Variants in ORMDL2 observed in about 807,000 individuals in gnomAD.
ORMDL2 encodes ORM1-like protein 2.
In ORMDL2, 11 loss-of-function variants were observed where a neutral mutation model predicts 13.5. That is an observed-to-expected ratio of 0.82 (90% CI 0.51 to 1.35). The LOEUF is 1.35. Among genes scored for constraint, ORMDL2 ranks in the 40% most tolerant of loss-of-function variants. The pLI, the probability that ORMDL2 is intolerant of heterozygous loss-of-function variation, is 0.00. For missense variants in ORMDL2, 160 were observed against 191.1 expected, an observed-to-expected ratio of 0.84 and a Z score of 0.96; for synonymous variants, 73 against 76.5, an observed-to-expected ratio of 0.95 and a Z score of 0.24.
intron 1 of ORMDL2, chr12:55,818,676 A>G (rs1401120369): frequency 7.1e-6 from 2 of 281,538 alleles, no homozygotes; most frequent in Non-Finnish European, 1.4e-5. Context: ...ATGGTTATTA[A>G]CTTCTTCAGC....
rs1414072941 is a variant in ORMDL2, at chr12:55,821,499, G to C, written c.*1104G>C. 1 of 153,370 alleles carries C rather than the reference G, an allele frequency of 6.5e-6. No individual in the cohort carries two copies. The highest frequency in any genetic ancestry group is 1.9e-4 in the East Asian group (1 of 5,202). 9.5% of individuals were successfully genotyped at this position (153,370 alleles called of 1,614,324 possible). On this transcript the variant is annotated 3_prime_UTR_variant, in exon 4 of 4. Coordinates refer to ENST00000243045, the MANE Select transcript of ORMDL2 (RefSeq NM_014182.5). ...TAAAGGGATACACTGTCCAGCCCAGGTCCAGGCCCTAGGTTCTTTACTCTA... is the reference window on the plus strand; with the variant it reads ...TAAAGGGATACACTGTCCAGCCCAGCTCCAGGCCCTAGGTTCTTTACTCTA...
At chr12:55,819,923 G>A (rs558651212) in intron 3 of ORMDL2, among the ~76,000 whole-genome samples, 2 of 152,344 alleles carry the variant, frequency 1.3e-5, no homozygotes, top group East Asian at 1.9e-4. Flanking sequence ...ACAGTCTCCA[G>A]TTAAGGGTGC....
intron 1 of ORMDL2, chr12:55,818,405 G>T: frequency 3.8e-6 from 1 of 260,568 alleles, no homozygotes; most frequent in South Asian, 3.5e-5. Context: ...CAGAGCCAAG[G>T]CTCCACCTTT....
chr12:55,819,549 G>T, intron 3 of ORMDL2, 56 bp downstream of exon 3: 3 of 1,530,546 alleles, frequency 2.0e-6, no homozygotes, highest in South Asian at 2.3e-5. Flanking sequence ...CAAGAGCCAG[G>T]TAGAAAGGCC....
rs1253752996 is a variant in ORMDL2, at chr12:55,821,752, G to A, written c.*1357G>A. ...TGTGCCTGTAATCCCAGCTACTCAGGAGGCTGAGATGGGAGAATTGCTTGA... is the reference window on the plus strand; with the variant it reads ...TGTGCCTGTAATCCCAGCTACTCAGAAGGCTGAGATGGGAGAATTGCTTGA... On this transcript the variant is annotated 3_prime_UTR_variant, in exon 4 of 4. Coordinates refer to ENST00000243045, the MANE Select transcript of ORMDL2 (RefSeq NM_014182.5). The A allele has an allele frequency of 8.6e-6, 3 of 348,526 alleles. No individual in the cohort carries two copies. The highest frequency in any genetic ancestry group is 2.1e-5 in the African/African-American group (1 of 47,168). The allele number at this position is 348,526 out of a possible 1,614,324, so 21.6% of individuals were successfully genotyped here. A position where few individuals can be genotyped will look rare whatever the true frequency, so the allele number is the denominator to read the frequency against.
rs1284399238 is a variant in ORMDL2, at chr12:55,820,689, A to C, written c.*294A>C. On this transcript the variant is annotated 3_prime_UTR_variant, in exon 4 of 4. Transcript: ENST00000243045. ...TTCTTTGGTGATTACATCTTTCCAT[A>C]TCTTTTACACTTACCACCTTCCAGC... is the stretch of plus-strand genomic sequence containing the variant. 5.0e-6 allele frequency: 2 copies of C among 398,402 alleles called. No homozygotes were observed. The highest frequency in any genetic ancestry group is 9.4e-6 in the Non-Finnish European group (2 of 213,002). 24.7% of individuals were successfully genotyped at this position (398,402 alleles called of 1,614,324 possible).
At position 55,820,383 on chromosome 12, in the gene ORMDL2, C is replaced by G; in HGVS notation, c.450C>G (p.Ile150Met). The change falls in exon 4 of 4, where the codon ATC (isoleucine) becomes ATG (methionine). Residue 150 changes from isoleucine to methionine, a missense_variant. By Grantham distance (10) the Ile-to-Met change is conservative. Transcript: ENST00000243045. ...TCCATGGGGTTCGTGTCTTTGGCAT[C>G]AACAAATACTGAGGGATGGGTTTTG... ...PQFHGVRVFG[I>M]NKY 1 of 1,614,162 alleles carries G rather than the reference C, an allele frequency of 6.2e-7. No individual in the cohort carries two copies. The highest frequency in any genetic ancestry group is 8.5e-7 in the Non-Finnish European group (1 of 1,180,038).
chr12:55,819,255 TTA>T (rs1020230763), intron 2 of ORMDL2, 82 bp downstream of exon 2: 1 of 1,590,370 alleles, frequency 6.3e-7, no homozygotes, highest in African/African-American at 1.3e-5. Context: ...GTTTGGGGAT[TTA>T]TGTGTTCCTT....
At chr12:55,819,550 T>A (rs1417106418) in intron 3 of ORMDL2, 57 bp downstream of exon 3, 2 of 1,521,326 alleles carry the variant, frequency 1.3e-6, no homozygotes, top group African/African-American at 2.8e-5. Context: ...AAGAGCCAGG[T>A]AGAAAGGCCC....
In ORMDL2 at chr12:55,820,241, T is replaced by A. The variant is rs774955181; in HGVS notation, c.327-19T>A. 6.2e-7 allele frequency: 1 copy of A among 1,602,140 alleles called. No homozygotes were observed. Among genetic ancestry groups the A allele is most frequent in the South Asian group, 1.1e-5 (1 of 90,806 alleles). On this transcript the variant is annotated intron_variant, in intron 3 of 3. Coordinates refer to ENST00000243045, the MANE Select transcript of ORMDL2 (RefSeq NM_014182.5). Reference sequence around the variant, plus strand: ...TAGAGAAGGTCAACCTCACTCACCCTATTTTTTTCTCTCCCCAGCTATCTC... The same window carrying A: ...TAGAGAAGGTCAACCTCACTCACCCAATTTTTTTCTCTCCCCAGCTATCTC...
intron 3 of ORMDL2, among the ~76,000 whole-genome samples, chr12:55,819,772 GA>G (rs1481417070): frequency 6.6e-6 from 1 of 152,168 alleles, no homozygotes; most frequent in Non-Finnish European, 1.5e-5. Flanking sequence ...ACTGCCAAAA[GA>G]AGTAAATAAA....
Position 55,821,325 on chromosome 12 carries a change from G to T in ORMDL2, c.*930G>T, listed in dbSNP as rs1212564364. The T allele has an allele frequency of 1.3e-5, 2 of 152,510 alleles. No homozygotes were observed. Among genetic ancestry groups the T allele is most frequent in the African/African-American group, 4.8e-5 (2 of 41,388 alleles). 9.4% of individuals were successfully genotyped at this position (152,510 alleles called of 1,614,324 possible). The stretch of plus-strand genomic sequence containing the variant: ...TTGTTCTCTTTTAAATATTATATCA[G>T]GATAAAGGAGAGGGCTCCCTCCTGA... On this transcript the variant is annotated 3_prime_UTR_variant, in exon 4 of 4. Coordinates refer to ENST00000243045, the MANE Select transcript of ORMDL2 (RefSeq NM_014182.5).
Position 55,821,799 on chromosome 12 carries a change from G to T in ORMDL2, c.*1404G>T. The T allele has an allele frequency of 1.9e-6, 1 of 538,234 alleles. No homozygotes were observed. 33.3% of individuals were successfully genotyped at this position (538,234 alleles called of 1,614,324 possible). A position where few individuals can be genotyped will look rare whatever the true frequency, so the allele number is the denominator to read the frequency against. On this transcript the variant is annotated 3_prime_UTR_variant, in exon 4 of 4. Coordinates refer to ENST00000243045, the MANE Select transcript of ORMDL2 (RefSeq NM_014182.5). ...TTGAACCCGGGAGACAGAGGTTGCA[G>T]TAAGCTGAGATCACACCACTGCACT... is the stretch of plus-strand genomic sequence containing the variant.
In ORMDL2 at chr12:55,818,081, G is replaced by A; in HGVS notation, c.-33G>A. On this transcript the variant is annotated 5_prime_UTR_variant, in exon 1 of 4. Transcript: ENST00000243045. ...CTTCAGGTGTGGTAGCCGGCGCCGC[G>A]CCCATAGCCGGACGGGGATCTGAGC... 1 of 513,382 alleles carries A rather than the reference G, an allele frequency of 1.9e-6. No homozygotes were observed. Among genetic ancestry groups the A allele is most frequent in the Non-Finnish European group, 3.8e-6 (1 of 265,088 alleles). 31.8% of individuals were successfully genotyped at this position (513,382 alleles called of 1,614,324 possible). A position where few individuals can be genotyped will look rare whatever the true frequency, so the allele number is the denominator to read the frequency against.
chr12:55,820,739 AC>A lies in ORMDL2; in HGVS notation c.*345del. 1 of 253,784 alleles carries A rather than the reference AC, an allele frequency of 3.9e-6. No individual in the cohort carries two copies. The highest frequency in any genetic ancestry group is 7.8e-6 in the Non-Finnish European group (1 of 127,740). The allele number at this position is 253,784 out of a possible 1,614,324, so 15.7% of individuals were successfully genotyped here. A position where few individuals can be genotyped will look rare whatever the true frequency, so the allele number is the denominator to read the frequency against. On this transcript the variant is annotated 3_prime_UTR_variant, in exon 4 of 4. Transcript: ENST00000243045. The stretch of plus-strand genomic sequence containing the variant: ...CTCTGTTTTGCTGTGTATTTTTCTT[AC>A]AATAATTTTTTTCAGCTATAGCTGC...
chr12:55,819,513 G>T lies in ORMDL2; in HGVS notation c.326+20G>T, dbSNP rs56108400. The T allele has an allele frequency of 0.22, 359,333 of 1,607,894 alleles. 42,613 individuals are homozygous for T. Among genetic ancestry groups the T allele is most frequent in the South Asian group, 0.31 (27,984 of 90,496 alleles). ...TGTGCTGTGAGTCTATGGGGGAAAT[G>T]AGATATGCTGGGTTAGAAAGAGCTC... is the stretch of plus-strand genomic sequence containing the variant. On this transcript the variant is annotated intron_variant, in intron 3 of 3. Transcript: ENST00000243045.
chr12:55,821,772 G>T lies in ORMDL2; in HGVS notation c.*1377G>T. The T allele has an allele frequency of 2.5e-6, 1 of 404,486 alleles. No homozygotes were observed. The highest frequency in any genetic ancestry group is 4.2e-6 in the Non-Finnish European group (1 of 235,934). 25.1% of individuals were successfully genotyped at this position (404,486 alleles called of 1,614,324 possible). A position where few individuals can be genotyped will look rare whatever the true frequency, so the allele number is the denominator to read the frequency against. ...CTCAGGAGGCTGAGATGGGAGAATT[G>T]CTTGAACCCGGGAGACAGAGGTTGC... On this transcript the variant is annotated 3_prime_UTR_variant, in exon 4 of 4. Transcript: ENST00000243045.
intron 3 of ORMDL2, among the ~76,000 whole-genome samples, chr12:55,819,973 G>A (rs1185541901): frequency 1.3e-5 from 2 of 152,150 alleles, no homozygotes; most frequent in Non-Finnish European, 2.9e-5. Context: ...TGATATAGCT[G>A]GAATAGTTTT....
chr12:55,819,442 G>C lies in ORMDL2; in HGVS notation c.275G>C (p.Gly92Ala). The change falls in exon 3 of 4, where the codon GGG becomes GCG. Residue 92 changes from glycine (G) to alanine (A), a missense_variant. Physicochemically the swap from Gly to Ala is moderately conservative, Grantham distance 60. Transcript: ENST00000243045. ...ACACACTGGGAGCAAATGGACTATG[G>C]GCTCCAGTTTACCTCTTCCCGCAAG... ...LLTHWEQMDY[G>A]LQFTSSRKFL... is the part of the protein sequence containing the mutation. The C allele has an allele frequency of 1.2e-6, 2 of 1,613,998 alleles. No homozygotes were observed. The highest frequency in any genetic ancestry group is 1.7e-6 in the Non-Finnish European group (2 of 1,179,920).
Sources: allele counts gnomAD v4.1 joint callset (sites outside exome capture counted in the v4.1 genomes callset), GRCh38; gene constraint gnomAD v4.1.1; transcripts MANE v1.5; gene names NCBI Gene and HGNC (gene_info 2026-07-23, HGNC 2026-07-21).